The following SKIC2 variants were observed in gnomAD, a reference collection of about 807,000 sequenced individuals.
SKIC2 encodes the protein SKI2 subunit of superkiller complex, also known as superkiller complex protein 2.
the SKIC2 span, chr6:31,966,592 G>C: frequency 9.5e-7 from 1 of 1,050,986 alleles, no homozygotes; most frequent in Non-Finnish European, 1.4e-6. This position sits in a 1 kb window ranked among gnomAD's most constrained non-coding sequence, Gnocchi z 5.9. Context: ...GTTTGTCCAA[G>C]GCCCCATGGT....
chr6:31,961,543 C>T, the SKIC2 span: 46 of 1,594,538 alleles, frequency 2.9e-5, 1 homozygote, highest in Middle Eastern at 2.0e-3. Context: ...CCTGACTCTT[C>T]CAGGAAGCGT....
At chr6:31,969,728 A>G in the SKIC2 span, 31 of 1,583,994 alleles carry the variant, frequency 2.0e-5, no homozygotes, top group Non-Finnish European at 2.7e-5. The surrounding 1 kb of genome is among the most constrained non-coding windows in gnomAD (Gnocchi z 6.1). Context: ...GCCCCATGTA[A>G]AAACATGATG....
chr6:31,966,137 C>T, the SKIC2 span: 2 of 697,278 alleles, frequency 2.9e-6, no homozygotes, highest in South Asian at 2.0e-5. This position sits in a 1 kb window ranked among gnomAD's most constrained non-coding sequence, Gnocchi z 5.9. Context: ...GCTCTGTTAC[C>T]TAGGCTGGAG....
chr6:31,959,564 C>T, the SKIC2 span: 19 of 614,040 alleles, frequency 3.1e-5, no homozygotes, highest in Admixed American at 3.0e-4. Context: ...ACCTGCAGTA[C>T]ATGTGAGGAC....
chr6:31,966,003 G>T, the SKIC2 span: 1 of 1,589,932 alleles, frequency 6.3e-7, no homozygotes, highest in Non-Finnish European at 8.6e-7. The surrounding 1 kb of genome is among the most constrained non-coding windows in gnomAD (Gnocchi z 5.9). Flanking sequence ...GACCTGCACC[G>T]CATGATGATG....
chr6:31,960,761 T>A, the SKIC2 span: 1 of 1,516,232 alleles, frequency 6.6e-7, no homozygotes, highest in Non-Finnish European at 8.9e-7. Flanking sequence ...GCTCTGAGTC[T>A]GAGCCTTGAG....
chr6:31,962,637 G>A, the SKIC2 span: 21 of 1,607,460 alleles, frequency 1.3e-5, no homozygotes, highest in Admixed American at 1.3e-4. The surrounding 1 kb of genome is among the most constrained non-coding windows in gnomAD (Gnocchi z 5.0). Flanking sequence ...AGATGTGGCC[G>A]TTGTGGAGAG....
chr6:31,969,510 CA>C, the SKIC2 span: 1 of 1,613,190 alleles, frequency 6.2e-7, no homozygotes, highest in South Asian at 1.1e-5. This position sits in a 1 kb window ranked among gnomAD's most constrained non-coding sequence, Gnocchi z 6.1. Context: ...CTACTTTCCC[CA>C]CAGCCCTTCT....
chr6:31,966,915 C>T, the SKIC2 span: 1 of 1,612,864 alleles, frequency 6.2e-7, no homozygotes. The surrounding 1 kb of genome is among the most constrained non-coding windows in gnomAD (Gnocchi z 5.9). Context: ...AATAGGTAGG[C>T]ATCCAGAGGC....
chr6:31,959,409 C>T, the SKIC2 span: 1 of 1,593,088 alleles, frequency 6.3e-7, no homozygotes. Flanking sequence ...GCGTGAGTGA[C>T]TTTTGACCCT....
the SKIC2 span, chr6:31,969,554 G>A: frequency 2.5e-6 from 4 of 1,613,830 alleles, no homozygotes; most frequent in African/African-American, 5.3e-5. This position sits in a 1 kb window ranked among gnomAD's most constrained non-coding sequence, Gnocchi z 6.1. Flanking sequence ...GACCCCTGAG[G>A]GCCTGGTGGT....
the SKIC2 span, chr6:31,969,528 T>G: frequency 6.2e-7 from 1 of 1,613,460 alleles, no homozygotes; most frequent in Non-Finnish European, 8.5e-7. The surrounding 1 kb of genome is among the most constrained non-coding windows in gnomAD (Gnocchi z 6.1). Context: ...TTCTCCGAGT[T>G]GGCAGGGCTC....
chr6:31,960,184 G>A, the SKIC2 span: 1 of 1,609,274 alleles, frequency 6.2e-7, no homozygotes, highest in Non-Finnish European at 8.5e-7. Context: ...GACAGAGGAA[G>A]AAAGAAGACC....
At chr6:31,961,632 CT>C in the SKIC2 span, 1 of 1,613,024 alleles carries the variant, frequency 6.2e-7, no homozygotes, top group Non-Finnish European at 8.5e-7. Context: ...GCCACCTCCC[CT>C]GTTGGTGATT....
At chr6:31,962,007 A>C in the SKIC2 span, 1 of 1,613,074 alleles carries the variant, frequency 6.2e-7, no homozygotes, top group South Asian at 1.1e-5. This position sits in a 1 kb window ranked among gnomAD's most constrained non-coding sequence, Gnocchi z 5.0. Context: ...CAGGAAAAAC[A>C]GTTGTGGCTG....
the SKIC2 span, among the ~76,000 whole-genome samples, chr6:31,964,857 C>T: frequency 6.6e-6 from 1 of 152,176 alleles, no homozygotes; most frequent in Non-Finnish European, 1.5e-5. This position sits in a 1 kb window ranked among gnomAD's most constrained non-coding sequence, Gnocchi z 5.0. Flanking sequence ...TGGTGGCTCA[C>T]ACCTGTAATC....
chr6:31,960,138 C>G, the SKIC2 span: 2 of 1,607,544 alleles, frequency 1.2e-6, no homozygotes, highest in Admixed American at 3.3e-5. Context: ...TCTGGAGGGG[C>G]TTAGACTAGG....
At chr6:31,962,836 T>C in the SKIC2 span, 1 of 1,483,316 alleles carries the variant, frequency 6.7e-7, no homozygotes, top group Non-Finnish European at 9.4e-7. The surrounding 1 kb of genome is among the most constrained non-coding windows in gnomAD (Gnocchi z 5.0). Context: ...GGCAGTCCTC[T>C]CCTTTGGGAC....
At chr6:31,960,717 A>T in the SKIC2 span, 1 of 1,571,566 alleles carries the variant, frequency 6.4e-7, no homozygotes, top group Non-Finnish European at 8.6e-7. Context: ...GAGGAGGCTG[A>T]GGAGGAGATA....
Sources: allele counts gnomAD v4.1 joint callset (sites outside exome capture counted in the v4.1 genomes callset), GRCh38; gene constraint gnomAD v4.1.1; non-coding constraint Gnocchi (gnomAD v3.1); transcripts MANE v1.5; gene names NCBI Gene and HGNC (gene_info 2026-07-23, HGNC 2026-07-21).